Variants in COBLL1 observed in about 807,000 individuals in gnomAD.
The protein encoded by COBLL1 is cordon-bleu WH2 repeat protein like 1, also known as cordon-bleu protein-like 1.
Under a neutral mutation model 94.8 loss-of-function variants are expected in COBLL1, and 50 were observed. The ratio of observed to expected loss-of-function variants is 0.53; its 90% confidence interval spans 0.42 to 0.67. COBLL1 has a LOEUF of 0.67. COBLL1 is among the 30% of genes least tolerant of loss of function. The pLI is 0.00. For synonymous variants in COBLL1, 448 were observed against 473.8 expected, an observed-to-expected ratio of 0.95 and a Z score of 0.71; for missense variants, 1,362 against 1,348.7, an observed-to-expected ratio of 1.01 and a Z score of -0.15.
At chr2:164,678,941 C>T (rs1682918375), downstream of COBLL1, among the ~76,000 whole-genome samples, 1 of 152,004 alleles carries the variant, frequency 6.6e-6, no homozygotes, top group Non-Finnish European at 1.5e-5. Flanking sequence ...AACTTGTCAC[C>T]CCAGAATAAT....
rs1683652063 is a variant in COBLL1, at chr2:164,692,299, T to G, written c.3222A>C (p.Gln1074His). ...GTCGCATCTGTTCTGGGTCAGAGCT[T>G]TGGAATGTTAAAGAACTTTGTCTCA... The part of the protein sequence containing the change: ...TVMRQSSLTF[Q>H]SSDPEQMRQS... The change falls in exon 13 of 14, where the codon CAA (glutamine) becomes CAC (histidine). Residue 1074 changes from glutamine to histidine, a missense_variant. By Grantham distance (24) the Gln-to-His change is conservative. Coordinates refer to ENST00000652658, the MANE Select transcript of COBLL1 (RefSeq NM_001365672.2). 2 of 1,613,640 alleles carry G rather than the reference T, an allele frequency of 1.2e-6. No individual in the cohort carries two copies. The highest frequency in any genetic ancestry group is 2.2e-5 in the South Asian group (2 of 91,060).
At chr2:164,732,718 T>G (rs953642258) in intron 3 of COBLL1, among the ~76,000 whole-genome samples, 1 of 152,188 alleles carries the variant, frequency 6.6e-6, no homozygotes, top group Admixed American at 6.5e-5. Context: ...TTTTACTTCT[T>G]AAATATACAG....
chr2:164,791,710 C>A (rs1393328268), intron 2 of COBLL1, among the ~76,000 whole-genome samples: 9 of 152,096 alleles, frequency 5.9e-5, no homozygotes, highest in Admixed American at 4.6e-4. Flanking sequence ...TGGATCACAA[C>A]TAAGCTTGAG....
At chr2:164,659,900 G>A (rs1302139353) in intron 2 of COBLL1, among the ~76,000 whole-genome samples, 1 of 152,128 alleles carries the variant, frequency 6.6e-6, no homozygotes, top group Non-Finnish European at 1.5e-5. Context: ...TAACTTTATA[G>A]AGAAACAAAG....
At chr2:164,815,915 T>C (rs1038391850) in intron 2 of COBLL1, among the ~76,000 whole-genome samples, 2 of 152,082 alleles carry the variant, frequency 1.3e-5, no homozygotes, top group Non-Finnish European at 2.9e-5. Context: ...TAAAATTTCT[T>C]AGACCATCGA....
intron 2 of COBLL1, chr2:164,800,461 T>C (rs941420680): frequency 1.9e-5 from 13 of 674,170 alleles, no homozygotes; most frequent in Middle Eastern, 4.8e-4. Flanking sequence ...TCTCATGCAC[T>C]CTTGGTGGAA....
At chr2:164,662,569 A>G (rs1013043764) in intron 2 of COBLL1, among the ~76,000 whole-genome samples, 2 of 152,174 alleles carry the variant, frequency 1.3e-5, no homozygotes, top group African/African-American at 4.8e-5. Flanking sequence ...GTCCCTGCCA[A>G]ATCTCATGTT....
Position 164,841,562 on chromosome 2 carries a change from G to C in COBLL1, c.-51+148C>G. On this transcript the variant is annotated intron_variant, in intron 1 of 13. Coordinates refer to ENST00000652658, the MANE Select transcript of COBLL1 (RefSeq NM_001365672.2). This position sits in a 1 kb window ranked among gnomAD's most constrained non-coding sequence, Gnocchi z 5.5. The stretch of plus-strand genomic sequence containing the variant: ...CGGGGCTGGAAAAGGAGGAGGAGCG[G>C]GGCCGGGCGCACGGGCACCGCTGCC... 2 of 671,422 alleles carry C rather than the reference G, an allele frequency of 3.0e-6. No individual in the cohort carries two copies. The highest frequency in any genetic ancestry group is 5.7e-4 in the Middle Eastern group (1 of 1,748). The allele number at this position is 671,422 out of a possible 1,614,324, so 41.6% of individuals were successfully genotyped here. A position where few individuals can be genotyped will look rare whatever the true frequency, so the allele number is the denominator to read the frequency against.
chr2:164,705,137 C>A, intron 7 of COBLL1, 32 bp from the exon 8 acceptor site: 1 of 1,482,162 alleles, frequency 6.7e-7, no homozygotes, highest in Non-Finnish European at 9.0e-7. Flanking sequence ...TAAAATCCTA[C>A]ATTTAGAAAT....
rs768000842 is a variant in COBLL1 at position 164,700,750 on chromosome 2, A to C, written c.1232T>G (p.Ile411Arg). Reference sequence around the variant, plus strand: ...CTCTTCAAGGCTATAATCAGAGCTTATTCCAGCTACAAAGAAATGCAGATA... The same window carrying C: ...CTCTTCAAGGCTATAATCAGAGCTTCTTCCAGCTACAAAGAAATGCAGATA... ...SPEELSSPAG[I>R]SSDYSLEEID... Residue 411 changes from isoleucine (I) to arginine (R), a missense_variant, in exon 10 of 14, where the codon ATA becomes AGA. By Grantham distance (97) the Ile-to-Arg change is moderately conservative. Transcript: ENST00000652658. 153 of 1,580,220 alleles carry C rather than the reference A, an allele frequency of 9.7e-5. No individual in the cohort carries two copies. Among genetic ancestry groups the C allele is most frequent in the Middle Eastern group, 5.0e-4 (3 of 6,004 alleles).
chr2:164,805,328 T>TAG (rs1684055947), intron 2 of COBLL1, among the ~76,000 whole-genome samples: 1 of 52,032 alleles, frequency 1.9e-5, no homozygotes, highest in Non-Finnish European at 3.9e-5. Context: ...TCTCTCTCTC[T>TAG]CTCTCTCTCT....
chr2:164,815,192 G>C (rs546155904), intron 2 of COBLL1, among the ~76,000 whole-genome samples: 1 of 152,036 alleles, frequency 6.6e-6, no homozygotes, highest in Non-Finnish European at 1.5e-5. Flanking sequence ...TTGAGGTCAG[G>C]AGTTTGAGAC....
At chr2:164,676,145 T>C (rs930103594), downstream of COBLL1, among the ~76,000 whole-genome samples, 2 of 152,226 alleles carry the variant, frequency 1.3e-5, no homozygotes, top group East Asian at 3.8e-4. Flanking sequence ...ATGTTTAGTA[T>C]AGAAGTGTTT....
chr2:164,741,589 A>C (rs547304903), intron 3 of COBLL1, among the ~76,000 whole-genome samples: 1 of 152,228 alleles, frequency 6.6e-6, no homozygotes, highest in East Asian at 1.9e-4. Flanking sequence ...TCATTTAATC[A>C]TATTTAATCC....
intron 2 of COBLL1, among the ~76,000 whole-genome samples, chr2:164,786,760 C>A (rs1425794656): frequency 6.6e-6 from 1 of 152,128 alleles, no homozygotes; most frequent in Non-Finnish European, 1.5e-5. Flanking sequence ...CTTACCCACA[C>A]CATTCTAATG....
intron 11 of COBLL1, chr2:164,697,833 A>G (rs1684033548): frequency 6.6e-6 from 1 of 152,096 alleles, no homozygotes; most frequent in African/African-American, 2.4e-5. Context: ...GATGTTAACC[A>G]AGTGTTTATA....
chr2:164,758,463 A>G (rs1448736318), intron 2 of COBLL1, among the ~76,000 whole-genome samples: 1 of 152,140 alleles, frequency 6.6e-6, no homozygotes, highest in Non-Finnish European at 1.5e-5. Flanking sequence ...CCATGTCCCA[A>G]TGCTCACTTA....
At chr2:164,712,797 T>C (rs1684962809) in intron 7 of COBLL1, among the ~76,000 whole-genome samples, 1 of 152,080 alleles carries the variant, frequency 6.6e-6, no homozygotes, top group South Asian at 2.1e-4. Context: ...GTGATAAAAT[T>C]AGCTCAATCT....
chr2:164,815,792 A>C (rs915619006), intron 2 of COBLL1, among the ~76,000 whole-genome samples: 4 of 152,150 alleles, frequency 2.6e-5, no homozygotes, highest in African/African-American at 9.6e-5. Flanking sequence ...AGCCTCAAGC[A>C]CTCACCCAGA....
Sources: allele counts gnomAD v4.1 joint callset (sites outside exome capture counted in the v4.1 genomes callset), GRCh38; gene constraint gnomAD v4.1.1; non-coding constraint Gnocchi (gnomAD v3.1); transcripts MANE v1.5; gene names NCBI Gene and HGNC (gene_info 2026-07-23, HGNC 2026-07-21).